CRB1: variants seen among roughly 807,000 people sequenced by gnomAD.
CRB1 encodes protein crumbs homolog 1.
A neutral mutation model predicts 120.0 loss-of-function variants in CRB1; 83 were observed. That is an observed-to-expected ratio of 0.69 (90% CI 0.58 to 0.83). The LOEUF is 0.83. Among genes scored for constraint, CRB1 ranks in the 40% least tolerant of loss-of-function variants. The pLI, the probability that CRB1 is intolerant of heterozygous loss-of-function variation, is 0.00. For missense variants in CRB1, 1,699 were observed against 1,687.6 expected (o/e 1.01, Z -0.12); for synonymous variants, 625 against 612.5 (o/e 1.02, Z -0.30).
At chr1:197,446,307 AG>A (rs1375280085) in intron 11 of CRB1, among the ~76,000 whole-genome samples, 1 of 152,190 alleles carries the variant, frequency 6.6e-6, no homozygotes, top group Non-Finnish European at 1.5e-5. Flanking sequence ...AGGTGGGTAT[AG>A]AAGGTCAAGG....
intron 7 of CRB1, 62 bp from the exon 8 acceptor site, chr1:197,429,387 C>G (rs962812234): frequency 6.4e-7 from 1 of 1,567,718 alleles, no homozygotes; most frequent in Non-Finnish European, 8.8e-7. Context: ...GTGGTTTCAC[C>G]GTCAACATTT....
intron 2 of CRB1, among the ~76,000 whole-genome samples, chr1:197,330,971 G>A (rs1658818837): frequency 1.3e-5 from 2 of 152,120 alleles, no homozygotes; most frequent in African/African-American, 4.8e-5. Flanking sequence ...GAGGCGGGAG[G>A]ATCACGAGGT....
intron 5 of CRB1, among the ~76,000 whole-genome samples, chr1:197,415,641 CTTTTTTTTTTTT>C (rs55654070): frequency 9.6e-5 from 9 of 94,012 alleles, no homozygotes; most frequent in Admixed American, 7.0e-4. Context: ...TTTTTCTTTT[CTTTTTTTTTTTT>C]TTTTTTTGAG....
At chr1:197,327,091 C>CAAAGAAAAAAAAA (rs1658537868) in intron 1 of CRB1, among the ~76,000 whole-genome samples, 1 of 25,706 alleles carries the variant, frequency 3.9e-5, no homozygotes, top group Non-Finnish European at 7.2e-5. Context: ...TCTCACACAC[C>CAAAGAAAAAAAAA]AAAAAAAAAA....
At chr1:197,236,195 C>T in the CRB1 span, among the ~76,000 whole-genome samples, 4 of 113,050 alleles carry the variant, frequency 3.5e-5, no homozygotes, top group African/African-American at 1.0e-4. Context: ...CTTTTATTTC[C>T]TTTTTTTTTT....
At chr1:197,274,191 C>T (rs1212015812) in intron 1 of CRB1, among the ~76,000 whole-genome samples, 2 of 152,014 alleles carry the variant, frequency 1.3e-5, no homozygotes, top group Non-Finnish European at 2.9e-5. Flanking sequence ...CACTATCTGC[C>T]ATTTATTCAC....
intron 5 of CRB1, among the ~76,000 whole-genome samples, chr1:197,397,636 C>CCCAAA (rs1383408671): frequency 6.6e-6 from 1 of 152,136 alleles, no homozygotes; most frequent in Non-Finnish European, 1.5e-5. Context: ...AATAAAAAGA[C>CCCAAA]CCAAACCATT....
In CRB1 at chr1:197,282,717, C is replaced by T. The variant is rs186728585; in HGVS notation, c.70+14235C>T. On this transcript the variant is annotated intron_variant, in intron 1 of 11. Transcript: ENST00000367400. ...AAGGCACAGAGAAATATTATTTCTC[C>T]ATTTTATGTTCTCAATGTCTTGTAA... is the stretch of plus-strand genomic sequence containing the variant. Among the ~76,000 whole-genome samples, 355 of 151,868 alleles carry T rather than the reference C, an allele frequency of 2.3e-3. 4 individuals carry two copies. In the Middle Eastern group the frequency reaches 0.031, roughly 13 times the overall value.
intron 1 of CRB1, among the ~76,000 whole-genome samples, chr1:197,272,088 A>T (rs1042450408): frequency 6.6e-6 from 1 of 152,176 alleles, no homozygotes; most frequent in Non-Finnish European, 1.5e-5. Flanking sequence ...AATGAAGAAC[A>T]AATAGAGATT....
At chr1:197,405,187 T>C (rs1008399902) in intron 5 of CRB1, among the ~76,000 whole-genome samples, 4 of 152,094 alleles carry the variant, frequency 2.6e-5, no homozygotes, top group Non-Finnish European at 5.9e-5. Context: ...CTGATTCTCC[T>C]GCCTTAGCCT....
At chr1:197,442,391 T>A in intron 11 of CRB1, 99 bp downstream of exon 11, 6 of 1,606,684 alleles carry the variant, frequency 3.7e-6, no homozygotes, top group Non-Finnish European at 5.1e-6. Flanking sequence ...AGCCAGTTGT[T>A]GAGTGGGGTG....
intron 5 of CRB1, among the ~76,000 whole-genome samples, chr1:197,388,751 ATTTC>A (rs1662345742): frequency 6.6e-6 from 1 of 152,106 alleles, no homozygotes; most frequent in Non-Finnish European, 1.5e-5. Context: ...GAATTGCTAC[ATTTC>A]TTTATTTTTA....
chr1:197,262,885 T>G, the CRB1 span, among the ~76,000 whole-genome samples: 1 of 152,240 alleles, frequency 6.6e-6, no homozygotes, highest in Non-Finnish European at 1.5e-5. Context: ...CTACAAAGTA[T>G]TCCATCTTGT....
At position 197,298,929 on chromosome 1, in the gene CRB1, G is replaced by T. The variant is rs542254650; in HGVS notation, c.71-29493G>T. ...AACTTTATACTTTACAAAAGCAAAA[G>T]AATATTTCATTACCTCAATGTAGGA... On this transcript the variant is annotated intron_variant, in intron 1 of 11. Transcript: ENST00000367400. 3.9e-5 allele frequency among the ~76,000 whole-genome samples: 6 copies of T among 151,976 alleles called. No homozygotes were observed. In the East Asian group the frequency reaches 7.7e-4, roughly 20 times the overall value.
intron 5 of CRB1, among the ~76,000 whole-genome samples, chr1:197,403,087 G>A (rs543735776): frequency 2.2e-4 from 34 of 152,200 alleles, no homozygotes; most frequent in Non-Finnish European, 3.5e-4. Context: ...TGTTCTTGAT[G>A]TTTTGTTATA....
At chr1:197,382,022 G>A (rs1661982796) in intron 5 of CRB1, among the ~76,000 whole-genome samples, 1 of 152,158 alleles carries the variant, frequency 6.6e-6, no homozygotes, top group African/African-American at 2.4e-5. Flanking sequence ...GGTGTGCCTA[G>A]CACTGAGCTG....
At chr1:197,355,248 G>C (rs1203859178) in intron 4 of CRB1, among the ~76,000 whole-genome samples, 2 of 152,214 alleles carry the variant, frequency 1.3e-5, no homozygotes, top group African/African-American at 2.4e-5. Flanking sequence ...CAAACCTTGA[G>C]CTAGACACAG....
chr1:197,351,426 C>T (rs574965601), intron 4 of CRB1, among the ~76,000 whole-genome samples: 4 of 150,622 alleles, frequency 2.7e-5, no homozygotes, highest in Admixed American at 1.3e-4. Context: ...AAGAGCATGT[C>T]CAATTGTGGA....
chr1:197,225,663 A>C, the CRB1 span, among the ~76,000 whole-genome samples: 25 of 152,334 alleles, frequency 1.6e-4, no homozygotes, highest in East Asian at 3.7e-3. Context: ...ACTCTTTTCC[A>C]CTACCTGCAA....
Sources: gnomAD v4.1 joint callset for allele counts (sites outside exome capture counted in the v4.1 genomes callset) on GRCh38, gnomAD v4.1.1 for gene constraint, MANE v1.5 for transcripts, NCBI Gene and HGNC (gene_info 2026-07-23, HGNC 2026-07-21) for gene names.